ATP8B4: variants seen among roughly 807,000 people sequenced by gnomAD.
ATP8B4 encodes the protein ATPase phospholipid transporting 8B4 (putative), also known as probable phospholipid-transporting ATPase IM.
Under a neutral mutation model 145.6 loss-of-function variants are expected in ATP8B4, and 133 were observed. The ratio of observed to expected loss-of-function variants is 0.91; its 90% CI spans 0.79 to 1.05. The LOEUF (loss-of-function observed/expected upper bound fraction) is 1.05, where lower values mean the gene tolerates loss of function less well. Among genes scored for constraint, ATP8B4 ranks in the 50% least tolerant of loss-of-function variants. The pLI is 0.00. For missense variants in ATP8B4, 1,458 were observed against 1,425.2 expected (o/e 1.02, Z -0.37); for synonymous variants, 507 against 492.9 (o/e 1.03, Z -0.38).
At chr15:49,906,200 C>A (rs548452371) in intron 20 of ATP8B4, among the ~76,000 whole-genome samples, 2 of 152,260 alleles carry the variant, frequency 1.3e-5, no homozygotes, top group South Asian at 4.1e-4. Context: ...TATCATAAAT[C>A]AATAGAGCAA....
At chr15:50,056,385 CT>C (rs1301440951) in intron 3 of ATP8B4, among the ~76,000 whole-genome samples, 1 of 152,148 alleles carries the variant, frequency 6.6e-6, no homozygotes, top group Non-Finnish European at 1.5e-5. Context: ...AACTTGTAAA[CT>C]GATGACACAA....
intron 1 of ATP8B4, among the ~76,000 whole-genome samples, chr15:50,133,182 T>C (rs896634745): frequency 1.3e-5 from 2 of 152,218 alleles, no homozygotes; most frequent in African/African-American, 4.8e-5. Context: ...AATCCTTCCA[T>C]TTGTGACAAC....
intron 1 of ATP8B4, among the ~76,000 whole-genome samples, chr15:50,158,501 C>T (rs1207346356): frequency 3.3e-5 from 5 of 151,390 alleles, no homozygotes; most frequent in African/African-American, 7.3e-5. Context: ...CGCCTCCGCC[C>T]GGCCAGCCGC....
intron 5 of ATP8B4, 123 bp from the exon 6 acceptor site, chr15:50,038,952 CTGTT>C (rs2051053616): frequency 1.3e-6 from 1 of 775,736 alleles, no homozygotes; most frequent in Non-Finnish European, 2.1e-6. Context: ...TAAGATGACA[CTGTT>C]TGAGCTTCCT....
At chr15:50,085,480 G>C (rs1202571782) in intron 2 of ATP8B4, among the ~76,000 whole-genome samples, 1 of 151,944 alleles carries the variant, frequency 6.6e-6, no homozygotes, top group Non-Finnish European at 1.5e-5. Context: ...TCAGTTATTG[G>C]TGGTCAGGAA....
chr15:50,132,682 T>A (rs568860770), intron 1 of ATP8B4, among the ~76,000 whole-genome samples: 1 of 152,296 alleles, frequency 6.6e-6, no homozygotes, highest in Non-Finnish European at 1.5e-5. Flanking sequence ...GCAGCACTAT[T>A]CACACTAGCA....
intron 3 of ATP8B4, among the ~76,000 whole-genome samples, chr15:50,071,533 T>C (rs1348203135): frequency 6.6e-6 from 1 of 152,208 alleles, no homozygotes; most frequent in African/African-American, 2.4e-5. Context: ...TAGTTATTGC[T>C]GGGTATTTTT....
At chr15:49,913,354 A>T (rs1477419999) in intron 20 of ATP8B4, among the ~76,000 whole-genome samples, 1 of 152,170 alleles carries the variant, frequency 6.6e-6, no homozygotes, top group Non-Finnish European at 1.5e-5. Flanking sequence ...TCAACAAACT[A>T]GGTGTAGATG....
At chr15:49,871,903 G>A (rs1249493692) in intron 25 of ATP8B4, among the ~76,000 whole-genome samples, 2 of 152,286 alleles carry the variant, frequency 1.3e-5, no homozygotes, top group Middle Eastern at 6.8e-3. Flanking sequence ...GACTGGGAGT[G>A]AGGGCAGGGA....
At chr15:49,902,129 T>A (rs1046794694) in intron 20 of ATP8B4, 1 of 157,494 alleles carries the variant, frequency 6.3e-6, no homozygotes, top group Non-Finnish European at 1.4e-5. Flanking sequence ...TGAAGTAACA[T>A]AAGGCAAGCT....
intron 1 of ATP8B4, among the ~76,000 whole-genome samples, chr15:50,141,865 C>T (rs1220646281): frequency 3.3e-5 from 5 of 152,174 alleles, no homozygotes; most frequent in African/African-American, 1.2e-4. Flanking sequence ...GCACACACAA[C>T]ATATTTCCCT....
intron 6 of ATP8B4, among the ~76,000 whole-genome samples, chr15:50,035,219 T>C (rs1290803062): frequency 6.6e-6 from 1 of 152,220 alleles, no homozygotes; most frequent in Non-Finnish European, 1.5e-5. Context: ...AATTATATTG[T>C]GGCTGAGGTT....
At chr15:50,123,862 T>C (rs1220290901), upstream of ATP8B4, among the ~76,000 whole-genome samples, 1 of 152,140 alleles carries the variant, frequency 6.6e-6, no homozygotes, top group Non-Finnish European at 1.5e-5. Context: ...TAGGGCAGTA[T>C]TCCCCAAGCA....
intron 2 of ATP8B4, among the ~76,000 whole-genome samples, chr15:50,102,723 T>C (rs1394639171): frequency 2.7e-5 from 4 of 146,920 alleles, no homozygotes; most frequent in African/African-American, 1.0e-4. Flanking sequence ...AAAGAGAGAA[T>C]CCTCCCTAAA....
At chr15:50,052,364 A>C (rs2052253565) in intron 3 of ATP8B4, among the ~76,000 whole-genome samples, 2 of 152,250 alleles carry the variant, frequency 1.3e-5, no homozygotes, top group Admixed American at 1.3e-4. Flanking sequence ...CCACGGCATT[A>C]GCTTGTTAGT....
At chr15:49,973,064 G>C (rs768537359) in intron 12 of ATP8B4, among the ~76,000 whole-genome samples, 1 of 152,084 alleles carries the variant, frequency 6.6e-6, no homozygotes, top group Non-Finnish European at 1.5e-5. Context: ...AAACAGGCCC[G>C]GTGGAGACTT....
rs547478485 is a variant in ATP8B4 at position 50,049,782 on chromosome 15, T to C, written c.88-2318A>G. 2.7e-4 allele frequency among the ~76,000 whole-genome samples: 41 copies of C among 152,360 alleles called. 1 individual carries two copies. Among genetic ancestry groups the C allele is most frequent in the African/African-American group, 9.9e-4 (41 of 41,590 alleles). ...CACTCCTACCAACAGTGTATAAGCA[T>C]TCCTTTTTCTCTGCAACCTCAACAT... On this transcript the variant is annotated intron_variant, in intron 3 of 27. Coordinates refer to ENST00000284509, the MANE Select transcript of ATP8B4 (RefSeq NM_024837.4).
intron 2 of ATP8B4, among the ~76,000 whole-genome samples, chr15:50,096,429 A>G (rs1227070106): frequency 6.6e-6 from 1 of 152,192 alleles, no homozygotes; most frequent in African/African-American, 2.4e-5. Flanking sequence ...TTAAAGCAGC[A>G]CACAAACTTA....
At chr15:49,922,499 A>C (rs1160391974) in intron 17 of ATP8B4, 2 of 371,116 alleles carry the variant, frequency 5.4e-6, no homozygotes, top group African/African-American at 4.4e-5. Context: ...TCATTTTTTA[A>C]ATTTAAAGTG....
Sources: gnomAD v4.1 joint callset for allele counts (sites outside exome capture counted in the v4.1 genomes callset) on GRCh38, gnomAD v4.1.1 for gene constraint, MANE v1.5 for transcripts, NCBI Gene and HGNC (gene_info 2026-07-23, HGNC 2026-07-21) for gene names.